The following EFHD1 variants were observed in gnomAD, a reference collection of about 807,000 sequenced individuals.
The protein encoded by EFHD1 is EF-hand domain-containing protein D1.
EFHD1 carries 10 observed loss-of-function variants against 17.2 expected under a neutral mutation model. That is an observed-to-expected ratio of 0.58 (90% CI 0.36 to 0.99). The LOEUF is 0.99. Among genes scored for constraint, EFHD1 ranks in the 50% least tolerant of loss-of-function variants. EFHD1 has a pLI of 0.01. For missense variants in EFHD1, 310 were observed against 327.5 expected (o/e 0.95, Z 0.41); for synonymous variants, 153 against 142.0 (o/e 1.08, Z -0.55).
intron 1 of EFHD1, chr2:232,638,480 A>C (rs1316012030): frequency 2.1e-6 from 1 of 470,948 alleles, no homozygotes; most frequent in Admixed American, 2.4e-5. Flanking sequence ...GTGAAACCCA[A>C]AAAGGTGAGG....
intron 1 of EFHD1, among the ~76,000 whole-genome samples, chr2:232,615,684 C>CTTTTT (rs34266488): frequency 3.7e-5 from 4 of 109,016 alleles, no homozygotes; most frequent in Non-Finnish European, 5.4e-5. Context: ...TTTTCTTTTC[C>CTTTTT]TTTTTTTTTT....
intron 1 of EFHD1, among the ~76,000 whole-genome samples, chr2:232,621,289 G>A (rs1694013021): frequency 6.6e-6 from 1 of 152,054 alleles, no homozygotes; most frequent in African/African-American, 2.4e-5. Flanking sequence ...CTGGTGGCTG[G>A]AACCAATTTC....
At position 232,607,336 on chromosome 2, in the gene EFHD1, A is replaced by C. The variant is rs140247880; in HGVS notation, c.14+1163A>C. ...CGCGGTGGCTCAGGCCTGTAATCTC[A>C]GCACTTTGGGGGGCCGAGGCGGGTG... On this transcript the variant is annotated intron_variant, in intron 1 of 3. Transcript: ENST00000409613. 5.6e-4 allele frequency among the ~76,000 whole-genome samples: 85 copies of C among 151,912 alleles called. 2 individuals are homozygous for C. The East Asian group carries it at 0.016, about 29-fold the overall frequency.
In EFHD1 at chr2:232,667,019, C is replaced by A. The variant is rs74608700; in HGVS notation, c.450+4070C>A. Among the ~76,000 whole-genome samples, 4 of 152,332 alleles carry A rather than the reference C, an allele frequency of 2.6e-5. No homozygotes were observed. The South Asian group carries it at 8.3e-4, about 32-fold the overall frequency. ...CCCGCTATTGTGACCATTGTGAAAA[C>A]TAAGTTTTCTTTCTGTGCCTTTTAC... On this transcript the variant is annotated intron_variant, in intron 2 of 3. Coordinates refer to ENST00000264059, the MANE Select transcript of EFHD1 (RefSeq NM_025202.4).
intron 2 of EFHD1, among the ~76,000 whole-genome samples, chr2:232,665,664 C>T (rs577158502): frequency 6.6e-6 from 1 of 152,292 alleles, no homozygotes; most frequent in South Asian, 2.1e-4. Context: ...TCAGGCAGTC[C>T]ACCTGCTTTG....
chr2:232,640,114 T>TTGGAGCA (rs1694401196), intron 1 of EFHD1, among the ~76,000 whole-genome samples: 1 of 152,182 alleles, frequency 6.6e-6, no homozygotes, highest in African/African-American at 2.4e-5. Flanking sequence ...CCTTGAGTTA[T>TTGGAGCA]TGGAGCATGG....
chr2:232,652,605 G>T (rs1009151839), intron 1 of EFHD1, among the ~76,000 whole-genome samples: 1 of 152,110 alleles, frequency 6.6e-6, no homozygotes, highest in Non-Finnish European at 1.5e-5. Context: ...CAACCATAAA[G>T]GCAGGCGGCT....
At position 232,613,602 on chromosome 2, in the gene EFHD1, C is replaced by CCACA. The variant is rs138706897; in HGVS notation, c.14+7456_14+7459dup. 2.7e-3 allele frequency among the ~76,000 whole-genome samples: 371 copies of CCACA among 138,422 alleles called. 1 individual carries two copies. Among genetic ancestry groups the CCACA allele is most frequent in the South Asian group, 4.7e-3 (20 of 4,268 alleles). The allele number at this position is 138,422 out of a possible 152,430, so 90.8% of individuals were successfully genotyped here. On this transcript the variant is annotated intron_variant, in intron 1 of 3. Coordinates refer to the EFHD1 transcript ENST00000409613. ...ACTACTGCACAGGGACAAAGAGGAA[C>CCACA]CACACACACACACACACACACACAC...
At chr2:232,656,648 G>T (rs1054711427) in intron 1 of EFHD1, among the ~76,000 whole-genome samples, 12 of 151,744 alleles carry the variant, frequency 7.9e-5, no homozygotes, top group Non-Finnish European at 1.5e-4. Flanking sequence ...TGTTGCCCAG[G>T]CTTGTCTTGA....
At chr2:232,644,727 C>T (rs1254319287) in intron 1 of EFHD1, among the ~76,000 whole-genome samples, 11 of 150,478 alleles carry the variant, frequency 7.3e-5, no homozygotes, top group African/African-American at 2.2e-4. Context: ...GCCAGGCTGT[C>T]GTGATCCACC....
intron 1 of EFHD1, among the ~76,000 whole-genome samples, chr2:232,657,899 C>CTTTTTTTTTTTTTTTTTT (rs1194396166): frequency 2.0e-5 from 2 of 100,660 alleles, no homozygotes; most frequent in Non-Finnish European, 4.0e-5. Flanking sequence ...TCTTTCTTTT[C>CTTTTTTTTTTTTTTTTTT]TTTTTTTTTT....
At chr2:232,670,838 C>A (rs1695052383) in intron 2 of EFHD1, among the ~76,000 whole-genome samples, 1 of 151,996 alleles carries the variant, frequency 6.6e-6, no homozygotes, top group Non-Finnish European at 1.5e-5. Flanking sequence ...TGAAACATAC[C>A]AGGTTCTATG....
intron 1 of EFHD1, among the ~76,000 whole-genome samples, chr2:232,654,343 G>T (rs568598612): frequency 1.3e-5 from 2 of 151,612 alleles, no homozygotes; most frequent in African/African-American, 4.8e-5. Context: ...TGAAAGGAAG[G>T]TTTCCCAAGT....
intron 1 of EFHD1, chr2:232,638,280 C>G (rs907235197): frequency 4.3e-6 from 2 of 464,936 alleles, no homozygotes; most frequent in Non-Finnish European, 8.9e-6. Flanking sequence ...AGGCAGGACC[C>G]CAATGCAACA....
At chr2:232,658,337 TTAAC>T (rs1338463510) in intron 1 of EFHD1, among the ~76,000 whole-genome samples, 1 of 152,068 alleles carries the variant, frequency 6.6e-6, no homozygotes, top group African/African-American at 2.4e-5. Flanking sequence ...CCAGGTGGCT[TTAAC>T]TAACAGCCAG....
chr2:232,670,661 T>TA (rs34259524), intron 2 of EFHD1, among the ~76,000 whole-genome samples: 47,657 of 147,492 alleles, frequency 0.32, 8,225 homozygotes, highest in East Asian at 0.51. Context: ...TTTACATGGT[T>TA]AAAAAAAAAA....
intron 3 of EFHD1, among the ~76,000 whole-genome samples, chr2:232,674,018 C>T (rs1453495836): frequency 5.3e-5 from 8 of 151,206 alleles, no homozygotes; most frequent in African/African-American, 1.9e-4. Context: ...AAGCAATTCT[C>T]CTGCCTTAGC....
At chr2:232,668,098 C>G (rs535162573) in intron 2 of EFHD1, among the ~76,000 whole-genome samples, 3 of 152,318 alleles carry the variant, frequency 2.0e-5, no homozygotes, top group African/African-American at 7.2e-5. Context: ...CTTCCCTCCC[C>G]CTCTTTCTTC....
chr2:232,673,971 C>T (rs1219723831), intron 3 of EFHD1, among the ~76,000 whole-genome samples: 6 of 148,332 alleles, frequency 4.0e-5, no homozygotes, highest in East Asian at 2.0e-4. Context: ...TACAGTGGCA[C>T]GATCTTGGCT....
Sources: gnomAD v4.1 joint callset for allele counts (sites outside exome capture counted in the v4.1 genomes callset) on GRCh38, gnomAD v4.1.1 for gene constraint, MANE v1.5 for transcripts, NCBI Gene and HGNC (gene_info 2026-07-23, HGNC 2026-07-21) for gene names.